The following DPP6 variants were observed in gnomAD, a reference collection of about 807,000 sequenced individuals.
DPP6 encodes dipeptidyl peptidase like 6, also known as A-type potassium channel modulatory protein DPP6.
In DPP6, 69 loss-of-function variants were observed where a neutral mutation model predicts 122.6. The ratio of observed to expected loss-of-function variants is 0.56; its 90% confidence interval spans 0.46 to 0.69. The LOEUF (loss-of-function observed/expected upper bound fraction) is 0.69, where lower values mean the gene tolerates loss of function less well. Ranked by LOEUF, DPP6 falls within the 30% of genes least tolerant of loss-of-function variation. The pLI is 0.00. For synonymous variants in DPP6, 418 were observed against 433.1 expected (o/e 0.97, Z 0.43); for missense variants, 928 against 1,116.9 (o/e 0.83, Z 2.41).
chr7:154,314,158 T>G (rs1019558723), intron 1 of DPP6, among the ~76,000 whole-genome samples: 11 of 152,268 alleles, frequency 7.2e-5, no homozygotes, highest in Non-Finnish European at 1.6e-4. Flanking sequence ...TGCCCCTGAC[T>G]TCTGATCCGA....
At chr7:154,530,041 G>A (rs1233953859) in intron 3 of DPP6, among the ~76,000 whole-genome samples, 5 of 151,878 alleles carry the variant, frequency 3.3e-5, no homozygotes, top group East Asian at 1.9e-4. Context: ...CAGGAGAATC[G>A]CTTGGACCTG....
chr7:154,152,457 C>T (rs1349746097), intron 1 of DPP6, among the ~76,000 whole-genome samples: 1 of 152,200 alleles, frequency 6.6e-6, no homozygotes, highest in Non-Finnish European at 1.5e-5. Flanking sequence ...AATCCATAAC[C>T]TTGGTATTCT....
chr7:154,484,366 T>C (rs1823606804), intron 3 of DPP6, among the ~76,000 whole-genome samples: 1 of 152,238 alleles, frequency 6.6e-6, no homozygotes, highest in Non-Finnish European at 1.5e-5. Context: ...CTTTTACAGA[T>C]CTGCCTTTTA....
chr7:153,993,972 A>G (rs1464190427), intron 1 of DPP6, among the ~76,000 whole-genome samples: 6 of 152,220 alleles, frequency 3.9e-5, no homozygotes, highest in African/African-American at 1.4e-4. Flanking sequence ...ACTTCCTTAC[A>G]ATGAGGGAGT....
intron 1 of DPP6, among the ~76,000 whole-genome samples, chr7:154,268,212 T>G (rs183011880): frequency 1.7e-4 from 26 of 152,318 alleles, no homozygotes; most frequent in African/African-American, 6.3e-4. Context: ...TCTACAACAC[T>G]GTTAGGGAGA....
chr7:153,780,163 C>T, the DPP6 span, among the ~76,000 whole-genome samples: 1 of 152,006 alleles, frequency 6.6e-6, no homozygotes, highest in South Asian at 2.1e-4. Context: ...GAGAAGTAAG[C>T]TGAGAATCAA....
intron 1 of DPP6, among the ~76,000 whole-genome samples, chr7:154,311,291 A>G (rs9648674): frequency 0.58 from 88,707 of 151,874 alleles, 27,633 homozygotes; most frequent in African/African-American, 0.81. Context: ...TTAGGAGTTC[A>G]ACACCAGCCT....
intron 5 of DPP6, among the ~76,000 whole-genome samples, chr7:154,615,779 C>A (rs1834207448): frequency 6.6e-6 from 1 of 152,144 alleles, no homozygotes; most frequent in Non-Finnish European, 1.5e-5. Flanking sequence ...ACTAACTCCC[C>A]TTTCCTACTC....
the DPP6 span, among the ~76,000 whole-genome samples, chr7:153,824,050 T>G: frequency 6.6e-6 from 1 of 152,280 alleles, no homozygotes; most frequent in East Asian, 1.9e-4. Flanking sequence ...TTGGCCAATC[T>G]CTGGGTGGTC....
chr7:153,833,394 C>A, the DPP6 span, among the ~76,000 whole-genome samples: 1 of 152,216 alleles, frequency 6.6e-6, no homozygotes, highest in African/African-American at 2.4e-5. Flanking sequence ...GAGAAGCCAG[C>A]CGGGCATGGT....
intron 7 of DPP6, among the ~76,000 whole-genome samples, chr7:154,711,598 A>T (rs560918593): frequency 1.4e-4 from 22 of 152,210 alleles, no homozygotes; most frequent in Non-Finnish European, 3.1e-4. Context: ...ACCTGCTCAC[A>T]GCTGGACAGC....
chr7:153,818,890 T>G, the DPP6 span, among the ~76,000 whole-genome samples: 35 of 151,942 alleles, frequency 2.3e-4, no homozygotes, highest in East Asian at 4.5e-3. Context: ...TAGCTGGGAT[T>G]ACAGGTGCAT....
chr7:154,577,246 G>A (rs976631360), intron 5 of DPP6, among the ~76,000 whole-genome samples: 1 of 152,014 alleles, frequency 6.6e-6, no homozygotes, highest in South Asian at 2.1e-4. Flanking sequence ...GGACCCCCCT[G>A]TCCATCTTGC....
intron 7 of DPP6, among the ~76,000 whole-genome samples, chr7:154,687,592 A>AT (rs2131199752): frequency 6.6e-6 from 1 of 152,220 alleles, no homozygotes; most frequent in East Asian, 1.9e-4. Flanking sequence ...TACATTTAAG[A>AT]TTCAATTATT....
intron 3 of DPP6, among the ~76,000 whole-genome samples, chr7:154,489,470 C>A (rs1824084920): frequency 6.6e-6 from 1 of 152,126 alleles, no homozygotes; most frequent in African/African-American, 2.4e-5. Flanking sequence ...TGTCTTTTCT[C>A]ATATCTCTTT....
chr7:153,881,933 A>T, the DPP6 span, among the ~76,000 whole-genome samples: 1 of 152,128 alleles, frequency 6.6e-6, no homozygotes, highest in Non-Finnish European at 1.5e-5. Context: ...TTGTACAATT[A>T]TTTTTGTTGT....
chr7:154,874,799 G>A (rs184277775), intron 19 of DPP6, among the ~76,000 whole-genome samples: 4 of 152,132 alleles, frequency 2.6e-5, no homozygotes, highest in African/African-American at 7.2e-5. Context: ...TCTTTTTCCC[G>A]GCAAGAGGGA....
intron 1 of DPP6, among the ~76,000 whole-genome samples, chr7:154,120,146 T>C (rs1247949374): frequency 2.0e-5 from 3 of 152,192 alleles, no homozygotes; most frequent in African/African-American, 7.2e-5. Context: ...AGGTGATGTG[T>C]TTTTTACACT....
At chr7:154,707,977 G>A (rs1320166782) in intron 7 of DPP6, among the ~76,000 whole-genome samples, 1 of 152,118 alleles carries the variant, frequency 6.6e-6, no homozygotes, top group Non-Finnish European at 1.5e-5. Flanking sequence ...CTATCCATCC[G>A]TTACAAGCCA....
Sources: allele counts gnomAD v4.1 joint callset (sites outside exome capture counted in the v4.1 genomes callset), GRCh38; gene constraint gnomAD v4.1.1; transcripts MANE v1.5; gene names NCBI Gene and HGNC (gene_info 2026-07-23, HGNC 2026-07-21).